Variants in PLPPR1 observed in about 807,000 individuals in gnomAD.
PLPPR1 encodes phospholipid phosphatase related 1, also known as phospholipid phosphatase-related protein type 1.
In PLPPR1, 10 loss-of-function variants were observed where a neutral mutation model predicts 33.1. The observed-to-expected ratio is 0.30, with a 90% CI of 0.19 to 0.51. PLPPR1 has a LOEUF of 0.51. Among genes scored for constraint, PLPPR1 ranks in the 20% least tolerant of loss-of-function variants. The pLI is 0.97. For synonymous variants in PLPPR1, 151 were observed against 151.0 expected, an observed-to-expected ratio of 1.00 and a Z score of 0.00; for missense variants, 304 against 408.1, an observed-to-expected ratio of 0.74 and a Z score of 2.20.
chr9:101,188,745 A>G (rs1826246126), intron 2 of PLPPR1, among the ~76,000 whole-genome samples: 1 of 151,988 alleles, frequency 6.6e-6, no homozygotes, highest in Non-Finnish European at 1.5e-5. Context: ...TTTTTAAATT[A>G]CTTTAAAATT....
At chr9:101,260,044 AT>A (rs1317040637) in intron 2 of PLPPR1, among the ~76,000 whole-genome samples, 1 of 152,038 alleles carries the variant, frequency 6.6e-6, no homozygotes, top group Non-Finnish European at 1.5e-5. Context: ...TGGCTTAGTG[AT>A]TTTGGGGTCC....
At chr9:101,211,250 C>T (rs930643260) in intron 2 of PLPPR1, among the ~76,000 whole-genome samples, 3 of 152,116 alleles carry the variant, frequency 2.0e-5, no homozygotes, top group Non-Finnish European at 2.9e-5. Flanking sequence ...TACTATCAAC[C>T]GGGCCTTGGT....
intron 1 of PLPPR1, among the ~76,000 whole-genome samples, chr9:101,124,388 T>C (rs1831218780): frequency 6.6e-6 from 1 of 152,170 alleles, no homozygotes; most frequent in African/African-American, 2.4e-5. Context: ...CAGAAAGCAT[T>C]GGTCCATTAA....
intron 1 of PLPPR1, among the ~76,000 whole-genome samples, chr9:101,178,212 G>A (rs1012512829): frequency 8.5e-5 from 13 of 152,306 alleles, no homozygotes; most frequent in African/African-American, 3.1e-4. Context: ...GGACAAAGTG[G>A]CCATGGTGGC....
At chr9:101,173,111 T>C (rs1224434348) in intron 1 of PLPPR1, among the ~76,000 whole-genome samples, 2 of 152,080 alleles carry the variant, frequency 1.3e-5, no homozygotes, top group African/African-American at 4.8e-5. Flanking sequence ...CATCTAAGAG[T>C]AAACTTTTAT....
intron 6 of PLPPR1, among the ~76,000 whole-genome samples, chr9:101,314,570 G>T (rs1829017978): frequency 6.6e-6 from 1 of 151,356 alleles, no homozygotes; most frequent in African/African-American, 2.4e-5. Context: ...ACATTATTCT[G>T]TAGTCTATTA....
At chr9:101,302,065 C>T (rs530918212) in intron 4 of PLPPR1, among the ~76,000 whole-genome samples, 3 of 152,266 alleles carry the variant, frequency 2.0e-5, no homozygotes, top group South Asian at 2.1e-4. Context: ...CCTTACTATT[C>T]TGTTTGTAAC....
rs111617151 is a variant in PLPPR1, at chr9:101,062,311, G to T, written c.-46+33209G>T. 1.1e-3 allele frequency among the ~76,000 whole-genome samples: 172 copies of T among 152,088 alleles called. 1 individual carries two copies. Among genetic ancestry groups the T allele is most frequent in the African/African-American group, 3.9e-3 (163 of 41,522 alleles). ...TCAAACTTACAGATATTCTCAGAAA[G>T]AAGGTAATTTTTAAAAATACATGTT... On this transcript the variant is annotated intron_variant, in intron 1 of 7. Transcript: ENST00000374874.
intron 1 of PLPPR1, among the ~76,000 whole-genome samples, chr9:101,098,388 G>A (rs993848455): frequency 6.6e-6 from 1 of 152,080 alleles, no homozygotes; most frequent in Non-Finnish European, 1.5e-5. Flanking sequence ...ACAGTCAATC[G>A]AGGCACTTCT....
intron 4 of PLPPR1, among the ~76,000 whole-genome samples, chr9:101,298,290 C>T (rs951217630): frequency 2.0e-5 from 3 of 152,068 alleles, no homozygotes; most frequent in Non-Finnish European, 2.9e-5. Context: ...AAATACCAGC[C>T]AAGTCTTCTG....
At chr9:101,243,976 A>C (rs1466036826) in intron 2 of PLPPR1, among the ~76,000 whole-genome samples, 3 of 151,854 alleles carry the variant, frequency 2.0e-5, no homozygotes, top group East Asian at 3.9e-4. Flanking sequence ...TGTGCACATG[A>C]GGAGAATTGA....
At chr9:101,161,060 GT>G (rs1831766602) in intron 1 of PLPPR1, among the ~76,000 whole-genome samples, 1 of 152,164 alleles carries the variant, frequency 6.6e-6, no homozygotes, top group African/African-American at 2.4e-5. Flanking sequence ...CATCAGCACA[GT>G]TTTTTGCCCT....
chr9:101,155,453 G>A (rs1831667995), intron 1 of PLPPR1, among the ~76,000 whole-genome samples: 1 of 152,140 alleles, frequency 6.6e-6, no homozygotes, highest in Admixed American at 6.5e-5. Context: ...ATTAAGGAGA[G>A]TGAACTCATC....
At chr9:101,033,446 T>C (rs961547663) in intron 1 of PLPPR1, among the ~76,000 whole-genome samples, 1 of 152,178 alleles carries the variant, frequency 6.6e-6, no homozygotes, top group Admixed American at 6.5e-5. Context: ...AGTGATTTCA[T>C]AGTAAATGCC....
intron 1 of PLPPR1, among the ~76,000 whole-genome samples, chr9:101,076,814 T>C (rs1329881146): frequency 2.6e-5 from 4 of 152,238 alleles, no homozygotes; most frequent in Non-Finnish European, 5.9e-5. Flanking sequence ...CTTCCTACTA[T>C]AAAATTCCTC....
chr9:101,244,050 G>A (rs1324501518), intron 2 of PLPPR1, among the ~76,000 whole-genome samples: 2 of 151,824 alleles, frequency 1.3e-5, no homozygotes, highest in African/African-American at 4.8e-5. Flanking sequence ...GGGAGGTTAG[G>A]GCAGAGATAT....
At chr9:101,164,409 C>T (rs1379256417) in intron 1 of PLPPR1, among the ~76,000 whole-genome samples, 2 of 149,452 alleles carry the variant, frequency 1.3e-5, no homozygotes, top group Non-Finnish European at 3.0e-5. Flanking sequence ...GTCGCTCAGG[C>T]TGGAGTGCAG....
chr9:101,286,829 T>C (rs1410935372), intron 4 of PLPPR1, among the ~76,000 whole-genome samples: 1 of 152,230 alleles, frequency 6.6e-6, no homozygotes, highest in East Asian at 1.9e-4. Flanking sequence ...AATAAATGTG[T>C]ATGGGTACAG....
At chr9:101,086,244 T>C (rs1296257502) in intron 1 of PLPPR1, among the ~76,000 whole-genome samples, 1 of 152,288 alleles carries the variant, frequency 6.6e-6, no homozygotes, top group African/African-American at 2.4e-5. Context: ...GGCTAGAATT[T>C]GGGGCACAAG....
Sources: gnomAD v4.1 joint callset for allele counts (sites outside exome capture counted in the v4.1 genomes callset) on GRCh38, gnomAD v4.1.1 for gene constraint, MANE v1.5 for transcripts, NCBI Gene and HGNC (gene_info 2026-07-23, HGNC 2026-07-21) for gene names.